CRYBG1: variants seen among roughly 807,000 people sequenced by gnomAD.
CRYBG1 encodes crystallin beta-gamma domain containing 1.
A neutral mutation model predicts 189.2 loss-of-function variants in CRYBG1; 139 were observed. The observed-to-expected ratio is 0.73, with a 90% CI of 0.64 to 0.85. The LOEUF (loss-of-function observed/expected upper bound fraction) is 0.85. Ranked by LOEUF, CRYBG1 falls within the 40% of genes least tolerant of loss-of-function variation. The pLI is 0.00. For synonymous variants in CRYBG1, 1,023 were observed against 1,017.1 expected, an observed-to-expected ratio of 1.01 and a Z score of -0.11; for missense variants, 2,611 against 2,675.8, an observed-to-expected ratio of 0.98 and a Z score of 0.53.
chr6:106,431,352 T>G (rs1319173828), intron 1 of CRYBG1, among the ~76,000 whole-genome samples: 1 of 152,170 alleles, frequency 6.6e-6, no homozygotes, highest in Non-Finnish European at 1.5e-5. Flanking sequence ...GATTCTTTCC[T>G]CACACAGTCT....
intron 1 of CRYBG1, among the ~76,000 whole-genome samples, chr6:106,439,029 G>A (rs1012481072): frequency 7.7e-5 from 11 of 142,102 alleles, no homozygotes; most frequent in Non-Finnish European, 1.2e-4. Context: ...GTGAGACCTG[G>A]TATCAATTTA....
intron 2 of CRYBG1, among the ~76,000 whole-genome samples, chr6:106,475,200 G>A (rs944419728): frequency 2.6e-5 from 4 of 152,128 alleles, no homozygotes; most frequent in Admixed American, 6.5e-5. Flanking sequence ...GGGGAGGAGA[G>A]GGATAACTAA....
rs957923837 is a variant in CRYBG1 at position 106,534,387 on chromosome 6, C to T, written c.4718+4072C>T. Among the ~76,000 whole-genome samples, 8 of 151,732 alleles carry T rather than the reference C, an allele frequency of 5.3e-5. 1 individual carries two copies. Among genetic ancestry groups the T allele is most frequent in the Admixed American group, 4.6e-4 (7 of 15,252 alleles). On this transcript the variant is annotated intron_variant, in intron 8 of 21. Transcript: ENST00000633556. ...CAGATGTTAATTCAAAGTTTGGGCT[C>T]GTTGAACTTGGTTGGTGAGCTTAGA...
intron 1 of CRYBG1, among the ~76,000 whole-genome samples, chr6:106,405,673 T>A (rs2207961): frequency 6.6e-6 from 1 of 151,962 alleles, no homozygotes; most frequent in East Asian, 1.9e-4. Context: ...CTGGGACAAA[T>A]CTTCCAGAAG....
At chr6:106,539,642 T>A in intron 9 of CRYBG1, 113 bp downstream of exon 9, 1 of 1,218,490 alleles carries the variant, frequency 8.2e-7, no homozygotes, top group Non-Finnish European at 1.1e-6. Flanking sequence ...AAATTTGTAG[T>A]AGATTGGACC....
intron 2 of CRYBG1, among the ~76,000 whole-genome samples, chr6:106,476,122 GTAGA>G (rs1772329592): frequency 1.3e-5 from 2 of 152,226 alleles, no homozygotes; most frequent in African/African-American, 4.8e-5. Context: ...TCATATGGAA[GTAGA>G]TAAAGTATAT....
chr6:106,361,037 G>T lies in CRYBG1; in HGVS notation c.129G>T (p.Gly43=). The T allele has an allele frequency of 6.5e-7, 1 of 1,535,286 alleles. No individual in the cohort carries two copies. The part of the protein sequence containing the change: ...KKQQPAPPDC[G]VFVPHPLPAP... Reference sequence around the variant, plus strand: ...AGCAGCCGGCGCCGCCTGACTGTGGGGTGTTCGTTCCGCACCCGCTCCCGG... The same window carrying T: ...AGCAGCCGGCGCCGCCTGACTGTGGTGTGTTCGTTCCGCACCCGCTCCCGG... The change falls in exon 1 of 22, where the codon GGG becomes GGT. Residue 43 remains glycine, a synonymous_variant. Transcript: ENST00000633556.
At chr6:106,547,554 C>T (rs1774294085) in intron 13 of CRYBG1, among the ~76,000 whole-genome samples, 1 of 152,106 alleles carries the variant, frequency 6.6e-6, no homozygotes, top group Admixed American at 6.5e-5. Flanking sequence ...TGGAGGAGGA[C>T]TACCTATTCA....
At chr6:106,393,263 A>T (rs190350724) in intron 1 of CRYBG1, among the ~76,000 whole-genome samples, 1 of 152,332 alleles carries the variant, frequency 6.6e-6, no homozygotes, top group Admixed American at 6.5e-5. Context: ...GCCCGGTAAC[A>T]TGAATCAATG....
intron 1 of CRYBG1, chr6:106,420,735 C>T (rs764680657): frequency 4.6e-5 from 7 of 153,082 alleles, no homozygotes; most frequent in Non-Finnish European, 8.8e-5. Context: ...GTGTTTACAA[C>T]TAATTGATCA....
At chr6:106,397,501 T>C (rs1770635695) in intron 1 of CRYBG1, among the ~76,000 whole-genome samples, 1 of 152,188 alleles carries the variant, frequency 6.6e-6, no homozygotes, top group South Asian at 2.1e-4. Flanking sequence ...AGGAGCTTTA[T>C]GGGTTGGGCA....
In CRYBG1 at chr6:106,362,234, G is replaced by C. The variant is rs927676879; in HGVS notation, c.173+1153G>C. ...TCCGCCCGCCTCGGCCTCCCAAAGT[G>C]CTGGGATTACAGGCATGAGCCACCG... is the stretch of plus-strand genomic sequence containing the variant. On this transcript the variant is annotated intron_variant, in intron 1 of 21. Transcript: ENST00000633556. Among the ~76,000 whole-genome samples the C allele has an allele frequency of 1.1e-4, 16 of 151,978 alleles. 1 individual carries two copies. The South Asian group carries it at 3.3e-3, about 32-fold the overall frequency.
intron 13 of CRYBG1, among the ~76,000 whole-genome samples, chr6:106,547,315 T>C (rs1049602641): frequency 1.1e-4 from 16 of 152,234 alleles, no homozygotes; most frequent in African/African-American, 3.9e-4. Flanking sequence ...AAGTATTTAT[T>C]GCGGTCTGTT....
At chr6:106,425,222 A>G (rs1261106207) in intron 1 of CRYBG1, among the ~76,000 whole-genome samples, 2 of 151,976 alleles carry the variant, frequency 1.3e-5, no homozygotes, top group African/African-American at 2.4e-5. Flanking sequence ...CCCTCATTCA[A>G]TGAGGAGTAA....
chr6:106,509,619 A>C (rs1187681808), intron 2 of CRYBG1, among the ~76,000 whole-genome samples: 1 of 151,918 alleles, frequency 6.6e-6, no homozygotes, highest in Non-Finnish European at 1.5e-5. Flanking sequence ...AATCTGATTC[A>C]TGCGCACTTC....
chr6:106,527,562 T>G, intron 7 of CRYBG1, 92 bp downstream of exon 7: 1 of 1,335,628 alleles, frequency 7.5e-7, no homozygotes, highest in South Asian at 1.4e-5. Context: ...AATATGTGAT[T>G]GGGAAACATA....
intron 1 of CRYBG1, among the ~76,000 whole-genome samples, chr6:106,450,619 T>C (rs1057366496): frequency 4.6e-5 from 7 of 152,216 alleles, no homozygotes; most frequent in South Asian, 4.1e-4. Flanking sequence ...ACTCCAGAGA[T>C]AGGTAATTCT....
At chr6:106,541,414 C>G in intron 9 of CRYBG1, 172 bp from the exon 10 acceptor site, 1 of 703,162 alleles carries the variant, frequency 1.4e-6, no homozygotes, top group South Asian at 1.6e-5. Context: ...GCCTGCCTTC[C>G]TCGTGTCTTC....
intron 2 of CRYBG1, among the ~76,000 whole-genome samples, chr6:106,497,578 C>T (rs1013099959): frequency 2.0e-5 from 3 of 152,120 alleles, no homozygotes; most frequent in Non-Finnish European, 2.9e-5. Context: ...CACATGTGTG[C>T]GTGTATGTGA....
Sources: allele counts gnomAD v4.1 joint callset (sites outside exome capture counted in the v4.1 genomes callset), GRCh38; gene constraint gnomAD v4.1.1; transcripts MANE v1.5; gene names NCBI Gene and HGNC (gene_info 2026-07-23, HGNC 2026-07-21).